The following ZSWIM6 variants were observed in gnomAD, a reference collection of about 807,000 sequenced individuals.
The protein encoded by ZSWIM6 is zinc finger SWIM-type containing 6.
Under a neutral mutation model 113.2 loss-of-function variants are expected in ZSWIM6, and 9 were observed. The ratio of observed to expected loss-of-function variants is 0.08; its 90% CI spans 0.05 to 0.14. The LOEUF is 0.14. Ranked by LOEUF, ZSWIM6 falls within the 10% of genes least tolerant of loss-of-function variation. The pLI is 1.00. For missense variants in ZSWIM6, 1,162 were observed against 1,552.2 expected (o/e 0.75, Z 4.22); for synonymous variants, 611 against 606.5 (o/e 1.01, Z -0.11).
chr5:61,482,645 G>T (rs1352326298), intron 2 of ZSWIM6, among the ~76,000 whole-genome samples: 1 of 152,134 alleles, frequency 6.6e-6, no homozygotes, highest in Non-Finnish European at 1.5e-5. Flanking sequence ...GTGAATTTAT[G>T]TTTTATCTAT....
chr5:61,513,937 C>G (rs550150230), intron 4 of ZSWIM6, among the ~76,000 whole-genome samples: 63 of 152,126 alleles, frequency 4.1e-4, no homozygotes, highest in Non-Finnish European at 7.1e-4. Flanking sequence ...TTTGGCTATT[C>G]ATTCTATTGC....
intron 1 of ZSWIM6, among the ~76,000 whole-genome samples, chr5:61,389,050 T>C (rs1745647146): frequency 6.6e-6 from 1 of 152,040 alleles, no homozygotes; most frequent in Admixed American, 6.6e-5. Flanking sequence ...GGAGAAGAAA[T>C]GAGAGAAGAG....
intron 12 of ZSWIM6, among the ~76,000 whole-genome samples, chr5:61,541,594 C>A (rs569431962): frequency 6.6e-6 from 1 of 152,254 alleles, no homozygotes; most frequent in African/African-American, 2.4e-5. Flanking sequence ...TCTGATTTTG[C>A]AGATGAGAAA....
intron 10 of ZSWIM6, among the ~76,000 whole-genome samples, chr5:61,537,336 G>T (rs1028184535): frequency 8.5e-5 from 13 of 152,148 alleles, no homozygotes; most frequent in South Asian, 2.1e-4. Flanking sequence ...CCAAAGGTCT[G>T]CCATGGAAGG....
chr5:61,490,718 T>G lies in ZSWIM6; in HGVS notation c.1034-68T>G, dbSNP rs193301131. The G allele has an allele frequency of 2.1e-6, 3 of 1,456,200 alleles. No individual in the cohort carries two copies. The African/African-American group carries it at 4.4e-5, about 21-fold the overall frequency. The allele number at this position is 1,456,200 out of a possible 1,614,324, so 90.2% of individuals were successfully genotyped here. On this transcript the variant is annotated intron_variant, in intron 2 of 13. Coordinates refer to ENST00000252744, the MANE Select transcript of ZSWIM6 (RefSeq NM_020928.2). ...AATTAAAAAGTAGGCAAAAAGAGTC[T>G]TAATTAATCCTTTTAGCACAGAGTT...
chr5:61,406,696 T>TTATG (rs1746049849), intron 1 of ZSWIM6, among the ~76,000 whole-genome samples: 1 of 124,766 alleles, frequency 8.0e-6, no homozygotes, highest in African/African-American at 2.6e-5. Flanking sequence ...AATCTTTTAT[T>TTATG]TATTTATTTA....
At chr5:61,363,258 A>G (rs1745070641) in intron 1 of ZSWIM6, among the ~76,000 whole-genome samples, 1 of 152,234 alleles carries the variant, frequency 6.6e-6, no homozygotes, top group African/African-American at 2.4e-5. Flanking sequence ...GGCTATCCAT[A>G]CAAGAATGAT....
intron 1 of ZSWIM6, among the ~76,000 whole-genome samples, chr5:61,372,154 A>T (rs1443824260): frequency 3.3e-5 from 5 of 152,200 alleles, no homozygotes; most frequent in Non-Finnish European, 7.3e-5. Context: ...TATTGAAAAG[A>T]AATAATCATT....
intron 12 of ZSWIM6, 73 bp from the exon 13 acceptor site, chr5:61,541,811 A>T: frequency 7.8e-7 from 1 of 1,278,996 alleles, no homozygotes; most frequent in South Asian, 1.3e-5. Context: ...TATGCCTTAT[A>T]GTTTATCCCC....
At chr5:61,391,369 A>G in intron 1 of ZSWIM6, 2 of 835,054 alleles carry the variant, frequency 2.4e-6, no homozygotes, top group Non-Finnish European at 4.3e-6. Context: ...AAGCAGGCAC[A>G]TCTGGGTGTA....
At chr5:61,459,936 A>G (rs1264104834) in intron 1 of ZSWIM6, among the ~76,000 whole-genome samples, 1 of 152,230 alleles carries the variant, frequency 6.6e-6, no homozygotes, top group African/African-American at 2.4e-5. Context: ...ATGTGAGTCA[A>G]GAGTGTGTGG....
At position 61,515,536 on chromosome 5, in the gene ZSWIM6, C is replaced by T. The variant is rs1370088300; in HGVS notation, c.1334-5727C>T. ...TCCTTTTATCAGAAACCTACTCCTG[C>T]GATAACTGACCCACTCCCACCATAA... On this transcript the variant is annotated intron_variant, in intron 4 of 13. Transcript: ENST00000252744. Among the ~76,000 whole-genome samples the T allele has an allele frequency of 4.8e-4, 73 of 152,076 alleles. 1 individual carries two copies. Among genetic ancestry groups the T allele is most frequent in the Admixed American group, 4.8e-3 (73 of 15,250 alleles).
rs1020311729 is a variant in ZSWIM6 at position 61,538,833 on chromosome 5, A to G, written c.2401A>G (p.Thr801Ala). 5 of 1,551,856 alleles carry G rather than the reference A, an allele frequency of 3.2e-6. No individual in the cohort carries two copies. The highest frequency in any genetic ancestry group is 1.2e-5 in the South Asian group (1 of 84,006). The change falls in exon 11 of 14, where the codon ACT becomes GCT. Residue 801 changes from threonine to alanine, a missense_variant. Physicochemically the swap from Thr to Ala is moderately conservative, Grantham distance 58. Coordinates refer to ENST00000252744, the MANE Select transcript of ZSWIM6 (RefSeq NM_020928.2). ...RAMRLLVLES[T>A]APSGDLTRPH... Reference sequence around the variant, plus strand: ...TTATAGGTTACTAGTATTGGAATCTACTGCTCCATCAGGAGACCTCACCCG... The same window carrying G: ...TTATAGGTTACTAGTATTGGAATCTGCTGCTCCATCAGGAGACCTCACCCG...
At chr5:61,493,572 A>G (rs969524500) in intron 3 of ZSWIM6, among the ~76,000 whole-genome samples, 4 of 152,148 alleles carry the variant, frequency 2.6e-5, no homozygotes, top group African/African-American at 9.7e-5. Context: ...GGTAAGTACA[A>G]TCAGTTGGAG....
intron 1 of ZSWIM6, among the ~76,000 whole-genome samples, chr5:61,358,826 C>CCTCAT (rs752888442): frequency 2.0e-5 from 3 of 152,284 alleles, no homozygotes; most frequent in East Asian, 3.9e-4. Flanking sequence ...GTCTCTTTTA[C>CCTCAT]CTCATAGCAC....
intron 1 of ZSWIM6, among the ~76,000 whole-genome samples, chr5:61,368,333 C>T (rs1046873267): frequency 3.2e-4 from 48 of 152,208 alleles, no homozygotes; most frequent in African/African-American, 1.1e-3. Context: ...AATTTAGAAA[C>T]ATTTTACTCA....
chr5:61,332,709 G>T lies in ZSWIM6; in HGVS notation c.437G>T (p.Gly146Val). 2 of 971,566 alleles carry T rather than the reference G, an allele frequency of 2.1e-6. No individual in the cohort carries two copies. The highest frequency in any genetic ancestry group is 2.4e-6 in the Non-Finnish European group (2 of 822,628). The allele number at this position is 971,566 out of a possible 1,614,324, so 60.2% of individuals were successfully genotyped here. Residue 146 changes from glycine to valine, a missense_variant, in exon 1 of 14, where the codon GGC becomes GTC. Transcript: ENST00000252744. The part of the protein sequence containing the change: ...GPGDDSGGGG[G>V]AGGGGGGGSS... ...GGCGACGACAGCGGTGGCGGCGGCG[G>T]CGCGGGCGGCGGCGGCGGCGGCGGC...
At chr5:61,395,854 T>C (rs771207267) in intron 1 of ZSWIM6, among the ~76,000 whole-genome samples, 2 of 152,200 alleles carry the variant, frequency 1.3e-5, no homozygotes, top group Non-Finnish European at 2.9e-5. Context: ...ATTGCTTTAC[T>C]CAGTGCAGGT....
intron 3 of ZSWIM6, among the ~76,000 whole-genome samples, chr5:61,493,006 T>C (rs888039093): frequency 6.6e-6 from 1 of 152,162 alleles, no homozygotes; most frequent in Non-Finnish European, 1.5e-5. Context: ...CATAGCAGTA[T>C]ACATTTTTGA....
Sources: allele counts gnomAD v4.1 joint callset (sites outside exome capture counted in the v4.1 genomes callset), GRCh38; gene constraint gnomAD v4.1.1; transcripts MANE v1.5; gene names NCBI Gene and HGNC (gene_info 2026-07-23, HGNC 2026-07-21).